PPM1H: variants seen among roughly 807,000 people sequenced by gnomAD.
The protein encoded by PPM1H is protein phosphatase 1H.
A neutral mutation model predicts 54.9 loss-of-function variants in PPM1H; 27 were observed. The observed-to-expected ratio is 0.49, with a 90% CI of 0.36 to 0.68. The LOEUF is 0.68. Among genes scored for constraint, PPM1H ranks in the 30% least tolerant of loss-of-function variants. PPM1H has a pLI of 0.00. For synonymous variants in PPM1H, 305 were observed against 270.8 expected, an observed-to-expected ratio of 1.13 and a Z score of -1.24; for missense variants, 596 against 667.8, an observed-to-expected ratio of 0.89 and a Z score of 1.19.
At chr12:62,753,504 T>G (rs1368721534) in intron 4 of PPM1H, among the ~76,000 whole-genome samples, 2 of 152,234 alleles carry the variant, frequency 1.3e-5, no homozygotes, top group African/African-American at 4.8e-5. Context: ...CTACCATGTG[T>G]GGGTCAGATT....
At chr12:62,695,890 G>T (rs2076112385) in intron 6 of PPM1H, among the ~76,000 whole-genome samples, 1 of 152,160 alleles carries the variant, frequency 6.6e-6, no homozygotes, top group South Asian at 2.1e-4. Flanking sequence ...ACCCCATGTG[G>T]AGAGTGAGGA....
chr12:62,932,248 C>A (rs746609405), intron 1 of PPM1H, among the ~76,000 whole-genome samples: 1 of 152,016 alleles, frequency 6.6e-6, no homozygotes, highest in African/African-American at 2.4e-5. Context: ...TTTAGGGATG[C>A]GGAAATGGAG....
At chr12:62,696,467 A>T (rs1172889192) in intron 6 of PPM1H, among the ~76,000 whole-genome samples, 1 of 152,214 alleles carries the variant, frequency 6.6e-6, no homozygotes, top group Non-Finnish European at 1.5e-5. Context: ...AATAGCACCA[A>T]TGAGGAGGAA....
At chr12:62,812,193 G>A (rs118066259) in intron 2 of PPM1H, among the ~76,000 whole-genome samples, 22 of 152,222 alleles carry the variant, frequency 1.4e-4, no homozygotes, top group Non-Finnish European at 2.4e-4. Flanking sequence ...AATTGCATAC[G>A]TGTCTGATTG....
intron 3 of PPM1H, among the ~76,000 whole-genome samples, chr12:62,794,169 C>A (rs2076717749): frequency 6.6e-6 from 1 of 152,206 alleles, no homozygotes; most frequent in Non-Finnish European, 1.5e-5. Context: ...CACCTGCCGG[C>A]TGCTGGTGGA....
At chr12:62,744,981 G>C (rs76178476) in intron 4 of PPM1H, among the ~76,000 whole-genome samples, 1,901 of 152,240 alleles carry the variant, frequency 0.012, 40 homozygotes, top group African/African-American at 0.043. Flanking sequence ...CCTTCACCTG[G>C]TGCCGTCCTA....
intron 2 of PPM1H, among the ~76,000 whole-genome samples, chr12:62,811,796 G>A (rs1056729339): frequency 3.3e-5 from 5 of 152,150 alleles, no homozygotes; most frequent in African/African-American, 1.2e-4. Flanking sequence ...TAAGTTTGCT[G>A]AGGCCTCCCC....
Position 62,743,982 on chromosome 12 carries a change from G to C in PPM1H, c.870-6396C>G, listed in dbSNP as rs1488736574. On this transcript the variant is annotated intron_variant, in intron 4 of 9. Coordinates refer to ENST00000228705, the MANE Select transcript of PPM1H (RefSeq NM_020700.2). The stretch of plus-strand genomic sequence containing the variant: ...TACAATTATAATTACATATCCAATG[G>C]TTCAGTCATTCCACTTTTGGGAATA... Among the ~76,000 whole-genome samples, 5 of 151,938 alleles carry C rather than the reference G, an allele frequency of 3.3e-5. No homozygotes were observed. In the South Asian group the frequency reaches 1.0e-3, roughly 32 times the overall value.
chr12:62,860,790 A>G (rs1279906366), intron 1 of PPM1H, among the ~76,000 whole-genome samples: 1 of 152,164 alleles, frequency 6.6e-6, no homozygotes, highest in Non-Finnish European at 1.5e-5. Flanking sequence ...CCCTGCTCCG[A>G]TTTACAGCAG....
At chr12:62,664,164 G>A (rs531411780) in intron 9 of PPM1H, among the ~76,000 whole-genome samples, 2 of 152,090 alleles carry the variant, frequency 1.3e-5, no homozygotes, top group African/African-American at 2.4e-5. Flanking sequence ...GTGGCCAGAG[G>A]TTCCCTGTGA....
chr12:62,790,490 T>G (rs1308619175), intron 3 of PPM1H, among the ~76,000 whole-genome samples: 1 of 152,206 alleles, frequency 6.6e-6, no homozygotes, highest in African/African-American at 2.4e-5. Flanking sequence ...GAGGATCTCT[T>G]GAGCCCAGGA....
intron 1 of PPM1H, among the ~76,000 whole-genome samples, chr12:62,874,310 TAA>T (rs1870088858): frequency 6.6e-6 from 1 of 152,066 alleles, no homozygotes. Context: ...TATAAATGGA[TAA>T]GAGTGACTTT....
rs372470497 is a variant in PPM1H, at chr12:62,709,971, G to A, written c.1073+10200C>T. Among the ~76,000 whole-genome samples the A allele has an allele frequency of 3.9e-5, 6 of 152,250 alleles. No homozygotes were observed. In the East Asian group the frequency reaches 1.2e-3, roughly 29 times the overall value. On this transcript the variant is annotated intron_variant, in intron 6 of 9. Transcript: ENST00000228705. ...TGTAATCCCAGCTACTCGGGAGGCC[G>A]AGGCAGGAGAATCGCTTGAACCCAG...
chr12:62,703,394 T>C (rs1392089802), intron 6 of PPM1H, among the ~76,000 whole-genome samples: 2 of 147,962 alleles, frequency 1.4e-5, no homozygotes, highest in Non-Finnish European at 1.5e-5. Context: ...TTTTTTTTTT[T>C]CCTTAGCTGG....
chr12:62,897,275 C>A (rs560753257), intron 1 of PPM1H, among the ~76,000 whole-genome samples: 1 of 152,064 alleles, frequency 6.6e-6, no homozygotes, highest in South Asian at 2.1e-4. Context: ...GTGTTTTTTC[C>A]CTACTCCCTT....
At chr12:62,890,401 T>C (rs538778115) in intron 1 of PPM1H, among the ~76,000 whole-genome samples, 1 of 152,166 alleles carries the variant, frequency 6.6e-6, no homozygotes, top group Non-Finnish European at 1.5e-5. Context: ...AAGACTGCAG[T>C]GAACAATGAT....
At chr12:62,846,297 G>A (rs112358113) in intron 1 of PPM1H, among the ~76,000 whole-genome samples, 6 of 152,124 alleles carry the variant, frequency 3.9e-5, no homozygotes, top group African/African-American at 1.4e-4. Flanking sequence ...TAAGGAGTTC[G>A]AGACCAGCCT....
intron 6 of PPM1H, among the ~76,000 whole-genome samples, chr12:62,707,950 A>C (rs755835367): frequency 2.6e-5 from 4 of 152,220 alleles, no homozygotes; most frequent in Non-Finnish European, 5.9e-5. Context: ...ATCTCAGCAG[A>C]ATCTGAACCT....
chr12:62,909,133 A>G (rs1451911603), intron 1 of PPM1H, among the ~76,000 whole-genome samples: 1 of 152,130 alleles, frequency 6.6e-6, no homozygotes, highest in East Asian at 1.9e-4. Context: ...CAGTTCACCA[A>G]TCAATCCTGT....
Sources: gnomAD v4.1 joint callset for allele counts (sites outside exome capture counted in the v4.1 genomes callset) on GRCh38, gnomAD v4.1.1 for gene constraint, MANE v1.5 for transcripts, NCBI Gene and HGNC (gene_info 2026-07-23, HGNC 2026-07-21) for gene names.